Variants in AGAP1 observed in about 807,000 individuals in gnomAD.
The protein encoded by AGAP1 is arf-GAP with GTPase, ANK repeat and PH domain-containing protein 1.
In AGAP1, 29 loss-of-function variants were observed where a neutral mutation model predicts 105.3. The ratio of observed to expected loss-of-function variants is 0.28; its 90% CI spans 0.21 to 0.38. The LOEUF (loss-of-function observed/expected upper bound fraction) is 0.38. AGAP1 is among the 10% of genes least tolerant of loss of function. The pLI is 1.00. For missense variants in AGAP1, 998 were observed against 1,165.1 expected (o/e 0.86, Z 2.09); for synonymous variants, 509 against 485.9 (o/e 1.05, Z -0.63).
chr2:235,798,870 CAAAAAAAAAAA>C (rs1041317180), intron 7 of AGAP1, among the ~76,000 whole-genome samples: 32 of 49,006 alleles, frequency 6.5e-4, no homozygotes, highest in Admixed American at 3.2e-3. Flanking sequence ...GACCCTGTCT[CAAAAAAAAAAA>C]AAAAAAAAAA....
Position 235,723,138 on chromosome 2 carries a change from C to T in AGAP1, c.310+5494C>T, listed in dbSNP as rs1482548901. The stretch of plus-strand genomic sequence containing the variant: ...CAAGGACTCATCGGCTGGCAGTGAC[C>T]TTCACACCTCTGAGGACAATTTCAC... On this transcript the variant is annotated intron_variant, in intron 3 of 17. Transcript: ENST00000304032. This position sits in a 1 kb window ranked among gnomAD's most constrained non-coding sequence, Gnocchi z 6.2. 6.6e-6 allele frequency among the ~76,000 whole-genome samples: 1 copy of T among 152,146 alleles called. No homozygotes were observed. Among genetic ancestry groups the T allele is most frequent in the Non-Finnish European group, 1.5e-5 (1 of 68,034 alleles).
intron 13 of AGAP1, among the ~76,000 whole-genome samples, chr2:235,990,698 C>G (rs1033703316): frequency 1.3e-5 from 2 of 152,172 alleles, no homozygotes; most frequent in Non-Finnish European, 2.9e-5. Flanking sequence ...GTAGTCAACA[C>G]AGTCAGAGTC....
At chr2:235,945,900 T>TG (rs2053476459) in intron 12 of AGAP1, among the ~76,000 whole-genome samples, 1 of 18,102 alleles carries the variant, frequency 5.5e-5, no homozygotes, top group Non-Finnish European at 1.1e-4. Context: ...GCGGTGGTGG[T>TG]GGGGGCGATA....
intron 13 of AGAP1, among the ~76,000 whole-genome samples, chr2:236,022,977 C>G (rs1232252535): frequency 6.6e-6 from 1 of 152,054 alleles, no homozygotes; most frequent in Non-Finnish European, 1.5e-5. Context: ...ATATCTAAGC[C>G]ACACGCCTAT....
At chr2:236,086,645 T>C (rs568854945) in intron 16 of AGAP1, among the ~76,000 whole-genome samples, 4 of 152,296 alleles carry the variant, frequency 2.6e-5, no homozygotes, top group African/African-American at 9.6e-5. Context: ...CCAAAAAATT[T>C]TCAACATTCT....
At chr2:235,534,080 C>G (rs757752353) in intron 1 of AGAP1, among the ~76,000 whole-genome samples, 2 of 152,212 alleles carry the variant, frequency 1.3e-5, no homozygotes, top group Non-Finnish European at 2.9e-5. Context: ...CTACAGCAGT[C>G]CTGTGGGCCG....
chr2:235,637,373 A>G (rs1486792561), intron 1 of AGAP1, among the ~76,000 whole-genome samples: 5 of 152,062 alleles, frequency 3.3e-5, no homozygotes, highest in African/African-American at 1.2e-4. Context: ...CCTGGGTTCA[A>G]GTGATCCTTC....
chr2:235,731,992 C>G (rs56865020), intron 3 of AGAP1, among the ~76,000 whole-genome samples: 80 of 152,264 alleles, frequency 5.3e-4, no homozygotes, highest in African/African-American at 1.9e-3. Flanking sequence ...TGCTGTTTTT[C>G]TCCAGCACAA....
chr2:235,517,801 G>A lies in AGAP1; in HGVS notation c.163+22952G>A, dbSNP rs1463979283. Among the ~76,000 whole-genome samples, 1 of 151,944 alleles carries A rather than the reference G, an allele frequency of 6.6e-6. No homozygotes were observed. The highest frequency in any genetic ancestry group is 2.4e-5 in the African/African-American group (1 of 41,366). On this transcript the variant is annotated intron_variant, in intron 1 of 17. Coordinates refer to ENST00000304032, the MANE Select transcript of AGAP1 (RefSeq NM_001037131.3). This position sits in a 1 kb window ranked among gnomAD's most constrained non-coding sequence, Gnocchi z 4.1. ...AAAATACAAAAATTAGTCAGACATG[G>A]TGGCGTGTGCCTGTAACCCCAGCTA...
chr2:235,519,292 G>T (rs2149046669), intron 1 of AGAP1, among the ~76,000 whole-genome samples: 1 of 152,176 alleles, frequency 6.6e-6, no homozygotes, highest in East Asian at 1.9e-4. Flanking sequence ...TGCCCAGGCT[G>T]GTCTTGAATG....
In AGAP1 at chr2:235,807,525, G is replaced by A. The variant is rs184329493; in HGVS notation, c.1050+194G>A. Among the ~76,000 whole-genome samples the A allele has an allele frequency of 1.6e-4, 25 of 152,352 alleles. No individual in the cohort carries two copies. The East Asian group carries it at 2.9e-3, about 18-fold the overall frequency. ...GATCATTAGAATGAGAAGAGGGAACGGAGACAACAGACCTAATGAAGTGCG... is the reference window on the plus strand; with the variant it reads ...GATCATTAGAATGAGAAGAGGGAACAGAGACAACAGACCTAATGAAGTGCG... On this transcript the variant is annotated intron_variant, in intron 9 of 17. Coordinates refer to ENST00000304032, the MANE Select transcript of AGAP1 (RefSeq NM_001037131.3).
chr2:235,878,118 G>C (rs2049837363), intron 9 of AGAP1, among the ~76,000 whole-genome samples: 1 of 152,218 alleles, frequency 6.6e-6, no homozygotes, highest in African/African-American at 2.4e-5. Flanking sequence ...TCCCATGTCA[G>C]ATGGAGAGTA....
chr2:235,737,879 T>C lies in AGAP1; in HGVS notation c.311-3084T>C, dbSNP rs1213533672. Among the ~76,000 whole-genome samples, 1 of 151,808 alleles carries C rather than the reference T, an allele frequency of 6.6e-6. No individual in the cohort carries two copies. Among genetic ancestry groups the C allele is most frequent in the African/African-American group, 2.4e-5 (1 of 41,308 alleles). ...GAATGGGACCTGGGGCCAGCGTGCT[T>C]GGACAAGACGAAGCCTCATCAAAGT... On this transcript the variant is annotated intron_variant, in intron 3 of 17. Transcript: ENST00000304032. The surrounding 1 kb of genome is among the most constrained non-coding windows in gnomAD (Gnocchi z 4.5).
At chr2:235,746,411 TA>T (rs1553620186) in intron 5 of AGAP1, among the ~76,000 whole-genome samples, 18 of 113,080 alleles carry the variant, frequency 1.6e-4, no homozygotes, top group Non-Finnish European at 2.9e-4. Context: ...TTTTTTTTTT[TA>T]AAGCGTACGT....
intron 1 of AGAP1, among the ~76,000 whole-genome samples, chr2:235,589,103 T>C (rs1053709299): frequency 2.0e-5 from 3 of 151,586 alleles, no homozygotes; most frequent in Admixed American, 2.0e-4. Context: ...CCTCTTGGGT[T>C]CAGCGCTCAG....
intron 13 of AGAP1, among the ~76,000 whole-genome samples, chr2:235,997,163 C>T (rs1208393625): frequency 5.6e-4 from 85 of 152,310 alleles, no homozygotes; most frequent in Non-Finnish European, 4.4e-5. Flanking sequence ...AATCTCGGCT[C>T]ACTGCAACTT....
intron 6 of AGAP1, chr2:235,776,977 T>C (rs1559473544): frequency 6.4e-6 from 3 of 471,150 alleles, no homozygotes; most frequent in Middle Eastern, 3.3e-4. Context: ...CTTTGCTGAG[T>C]ACATGGTGAG....
At chr2:235,641,736 C>A (rs1474235371) in intron 1 of AGAP1, among the ~76,000 whole-genome samples, 1 of 152,230 alleles carries the variant, frequency 6.6e-6, no homozygotes, top group Non-Finnish European at 1.5e-5. Flanking sequence ...TGTTACCACA[C>A]TATAGGATAT....
chr2:236,070,735 A>G (rs1214588241), intron 16 of AGAP1, among the ~76,000 whole-genome samples: 1 of 152,172 alleles, frequency 6.6e-6, no homozygotes. Flanking sequence ...GCCAATCCAT[A>G]CGGACAGAAA....
Sources: allele counts gnomAD v4.1 joint callset (sites outside exome capture counted in the v4.1 genomes callset), GRCh38; gene constraint gnomAD v4.1.1; non-coding constraint Gnocchi (gnomAD v3.1); transcripts MANE v1.5; gene names NCBI Gene and HGNC (gene_info 2026-07-23, HGNC 2026-07-21).